Variants in KIF26B observed in about 807,000 individuals in gnomAD.
The protein encoded by KIF26B is kinesin-like protein KIF26B.
In KIF26B, 63 loss-of-function variants were observed where a neutral mutation model predicts 151.2. The observed-to-expected ratio is 0.42, with a 90% CI of 0.34 to 0.51. KIF26B has a LOEUF of 0.51. Among genes scored for constraint, KIF26B ranks in the 20% least tolerant of loss-of-function variants. The probability of loss-of-function intolerance (pLI) is 0.07; values close to 1 mark genes in which losing one functional copy is unlikely to be tolerated. For synonymous variants in KIF26B, 1,357 were observed against 1,262.1 expected (o/e 1.08, Z -1.59); for missense variants, 2,813 against 2,913.6 (o/e 0.97, Z 0.79).
At chr1:245,259,521 G>T (rs1670595624) in intron 2 of KIF26B, among the ~76,000 whole-genome samples, 1 of 152,178 alleles carries the variant, frequency 6.6e-6, no homozygotes, top group African/African-American at 2.4e-5. Flanking sequence ...AAGAACAGGG[G>T]AGAGAATACT....
In KIF26B at chr1:245,155,288, C is replaced by G. The variant is rs1668407083; in HGVS notation, c.-137C>G. ...GGGATCCATTTGCTTTCATTCCCTC[C>G]CACCCCACCGCTGAAGAAACCTTGC... On this transcript the variant is annotated 5_prime_UTR_variant, in exon 1 of 15. Coordinates refer to ENST00000407071, the MANE Select transcript of KIF26B (RefSeq NM_018012.4). 1.4e-6 allele frequency: 1 copy of G among 700,368 alleles called. No homozygotes were observed. The highest frequency in any genetic ancestry group is 2.5e-6 in the Non-Finnish European group (1 of 399,838). 43.4% of individuals were successfully genotyped at this position (700,368 alleles called of 1,614,324 possible). A position where few individuals can be genotyped will look rare whatever the true frequency, so the allele number is the denominator to read the frequency against.
rs2044856340 is a variant in KIF26B, at chr1:245,707,392, CTTCT to C, written c.*4790_*4793del. On this transcript the variant is annotated 3_prime_UTR_variant, in exon 15 of 15. Transcript: ENST00000407071. Reference sequence around the variant, plus strand: ...TTACCTTCAACACTAAAAAAGGTTCCTTCTTTCATTCCCTATCCTGCTAACAGCC... The same window carrying C: ...TTACCTTCAACACTAAAAAAGGTTCCTTCATTCCCTATCCTGCTAACAGCC... 6.6e-6 allele frequency: 1 copy of C among 152,216 alleles called. No homozygotes were observed. Among genetic ancestry groups the C allele is most frequent in the South Asian group, 2.1e-4 (1 of 4,830 alleles). The allele number at this position is 152,216 out of a possible 1,614,324, so 9.4% of individuals were successfully genotyped here.
intron 10 of KIF26B, among the ~76,000 whole-genome samples, chr1:245,664,892 A>G (rs2044197103): frequency 6.6e-6 from 1 of 152,276 alleles, no homozygotes; most frequent in East Asian, 1.9e-4. Flanking sequence ...ATATTTACAT[A>G]TATGTTTATG....
At position 245,687,777 on chromosome 1, in the gene KIF26B, G is replaced by A. The variant is rs772467625; in HGVS notation, c.4794G>A (p.Leu1598=). ...VLARPKGTPP[L]PPVRKSSLDQ... Reference sequence around the variant, plus strand: ...CTCGGCCCAAAGGGACTCCCCCTCTGCCCCCTGTCCGAAAGTCCAGCCTGG... The same window carrying A: ...CTCGGCCCAAAGGGACTCCCCCTCTACCCCCTGTCCGAAAGTCCAGCCTGG... Residue 1598 remains leucine, a synonymous_variant, in exon 12 of 15, where the codon CTG becomes CTA. Transcript: ENST00000407071. This position sits in a 1 kb window ranked among gnomAD's most constrained non-coding sequence, Gnocchi z 4.9. 4 of 1,583,706 alleles carry A rather than the reference G, an allele frequency of 2.5e-6. No individual in the cohort carries two copies. The South Asian group carries it at 4.6e-5, about 18-fold the overall frequency.
chr1:245,238,853 ACTGTCTC>A, intron 2 of KIF26B, among the ~76,000 whole-genome samples: 2 of 151,122 alleles, frequency 1.3e-5, no homozygotes, highest in East Asian at 3.9e-4. Flanking sequence ...CAAGAGCAAA[ACTGTCTC>A]AAAAAACAAA....
intron 3 of KIF26B, among the ~76,000 whole-genome samples, chr1:245,373,612 A>C (rs1050327243): frequency 6.6e-6 from 1 of 152,052 alleles, no homozygotes; most frequent in Non-Finnish European, 1.5e-5. Flanking sequence ...TCTTGATACA[A>C]TTTTTCCTGC....
Position 245,276,712 on chromosome 1 carries a change from T to C in KIF26B, c.466-90122T>C, listed in dbSNP as rs150960963. 2.6e-5 allele frequency among the ~76,000 whole-genome samples: 4 copies of C among 152,332 alleles called. No individual in the cohort carries two copies. In the East Asian group the frequency reaches 7.8e-4, roughly 30 times the overall value. Reference sequence around the variant, plus strand: ...ATGCCATGAATTTCCCTGCCAGCTTTGATCATCTGGTTTTGCAGCAGCCTG... The same window carrying C: ...ATGCCATGAATTTCCCTGCCAGCTTCGATCATCTGGTTTTGCAGCAGCCTG... On this transcript the variant is annotated intron_variant, in intron 2 of 14. Coordinates refer to ENST00000407071, the MANE Select transcript of KIF26B (RefSeq NM_018012.4).
chr1:245,534,507 T>G (rs545362596), intron 4 of KIF26B, among the ~76,000 whole-genome samples: 2 of 152,262 alleles, frequency 1.3e-5, no homozygotes, highest in East Asian at 1.9e-4. Flanking sequence ...AATTTCATCC[T>G]GCTAGAGAGA....
intron 9 of KIF26B, among the ~76,000 whole-genome samples, chr1:245,617,985 A>C (rs547589997): frequency 6.6e-6 from 1 of 152,042 alleles, no homozygotes; most frequent in African/African-American, 2.4e-5. Flanking sequence ...GGACCTCACC[A>C]ATTGGGACCC....
intron 4 of KIF26B, among the ~76,000 whole-genome samples, chr1:245,453,685 T>G (rs979752812): frequency 6.6e-6 from 1 of 152,216 alleles, no homozygotes; most frequent in Non-Finnish European, 1.5e-5. Context: ...GTAATACTTT[T>G]TGGCATGGAT....
chr1:245,412,962 C>T (rs1230716948), intron 3 of KIF26B, among the ~76,000 whole-genome samples: 1 of 152,108 alleles, frequency 6.6e-6, no homozygotes, highest in Non-Finnish European at 1.5e-5. Flanking sequence ...TTTGCTGCCA[C>T]CTGTATTCAT....
rs746887431 is a variant in KIF26B at position 245,602,018 on chromosome 1, G to A, written c.1351-559G>A. Among the ~76,000 whole-genome samples, 18 of 152,148 alleles carry A rather than the reference G, an allele frequency of 1.2e-4. No individual in the cohort carries two copies. The highest frequency in any genetic ancestry group is 8.8e-5 in the Non-Finnish European group (6 of 68,036). On this transcript the variant is annotated intron_variant, in intron 5 of 14. Transcript: ENST00000407071. This position sits in a 1 kb window ranked among gnomAD's most constrained non-coding sequence, Gnocchi z 4.5. The stretch of plus-strand genomic sequence containing the variant: ...TTAATGGGATCCCAAATAACACGTC[G>A]CAGACCAGTCTTTTATCACTGTTGC...
intron 4 of KIF26B, among the ~76,000 whole-genome samples, chr1:245,430,553 G>A (rs1276427571): frequency 6.6e-6 from 1 of 152,070 alleles, no homozygotes; most frequent in African/African-American, 2.4e-5. Flanking sequence ...TGTAATCCTA[G>A]CTACTTGCGG....
chr1:245,510,576 T>TTCTCTCTCTCTCTCTCTCTCTC (rs4021193), intron 4 of KIF26B, among the ~76,000 whole-genome samples: 1 of 134,102 alleles, frequency 7.5e-6, no homozygotes, highest in African/African-American at 2.9e-5. Context: ...TTAGCAGAGC[T>TTCTCTCTCTCTCTCTCTCTCTC]TCTCTCTCTC....
chr1:245,653,629 T>C (rs763142041), intron 10 of KIF26B, among the ~76,000 whole-genome samples: 3 of 152,208 alleles, frequency 2.0e-5, no homozygotes, highest in Admixed American at 1.3e-4. Flanking sequence ...AGGGCCTCAC[T>C]GCCTCCCAGT....
Position 245,520,611 on chromosome 1 carries a change from C to CCCATCCATCCATCCATCCAT in KIF26B, c.1167-20123_1167-20104dup, listed in dbSNP as rs1210147249. 9.9e-4 allele frequency among the ~76,000 whole-genome samples: 78 copies of CCCATCCATCCATCCATCCAT among 78,774 alleles called. 1 individual carries two copies. Among genetic ancestry groups the CCCATCCATCCATCCATCCAT allele is most frequent in the African/African-American group, 2.7e-3 (76 of 27,906 alleles). The allele number at this position is 78,774 out of a possible 152,430, so 51.7% of individuals were successfully genotyped here. On this transcript the variant is annotated intron_variant, in intron 4 of 14. Coordinates refer to ENST00000407071, the MANE Select transcript of KIF26B (RefSeq NM_018012.4). Reference sequence around the variant, plus strand: ...ATCCATCCATCCATCCACCCACCCACCCATCCATCCATCCATCCATCCATC... The same window carrying CCCATCCATCCATCCATCCAT: ...ATCCATCCATCCATCCACCCACCCACCCATCCATCCATCCATCCATCCATCCATCCATCCATCCATCCATC...
chr1:245,320,648 GTTT>G lies in KIF26B; in HGVS notation c.466-46180_466-46178del, dbSNP rs796346841. On this transcript the variant is annotated intron_variant, in intron 2 of 14. Coordinates refer to ENST00000407071, the MANE Select transcript of KIF26B (RefSeq NM_018012.4). ...AGTGCAGTGGCGGTCAATCTAACTG[GTTT>G]TTTTTGTTGTTGTTTTTGTTTTGTT... 2.3e-4 allele frequency among the ~76,000 whole-genome samples: 35 copies of G among 152,028 alleles called. 1 individual carries two copies. In the Middle Eastern group the frequency reaches 0.01, roughly 44 times the overall value.
intron 4 of KIF26B, among the ~76,000 whole-genome samples, chr1:245,491,056 G>T (rs1251814450): frequency 6.6e-6 from 1 of 152,100 alleles, no homozygotes; most frequent in Non-Finnish European, 1.5e-5. Flanking sequence ...CAGTACTGAA[G>T]AATTTTTTCC....
intron 4 of KIF26B, among the ~76,000 whole-genome samples, chr1:245,529,985 A>G (rs189764408): frequency 1.3e-5 from 2 of 152,332 alleles, no homozygotes; most frequent in Non-Finnish European, 2.9e-5. Context: ...GGAAAAAAAA[A>G]TCTAATAATC....
Sources: gnomAD v4.1 joint callset for allele counts (sites outside exome capture counted in the v4.1 genomes callset) on GRCh38, gnomAD v4.1.1 for gene constraint, Gnocchi (gnomAD v3.1) non-coding constraint, MANE v1.5 for transcripts, NCBI Gene and HGNC (gene_info 2026-07-23, HGNC 2026-07-21) for gene names.